TSBP1: variants seen among roughly 807,000 people sequenced by gnomAD.
TSBP1 encodes testis-expressed basic protein 1.
In TSBP1, 56 loss-of-function variants were observed where a neutral mutation model predicts 68.8. That is an observed-to-expected ratio of 0.81 (90% CI 0.66 to 1.02). TSBP1 has a LOEUF of 1.02. TSBP1 is among the 50% of genes least tolerant of loss of function. TSBP1 has a pLI of 0.00. For synonymous variants in TSBP1, 171 were observed against 208.7 expected, an observed-to-expected ratio of 0.82 and a Z score of 1.56; for missense variants, 502 against 641.2, an observed-to-expected ratio of 0.78 and a Z score of 2.34.
intron 18 of TSBP1, among the ~76,000 whole-genome samples, chr6:32,317,919 C>T (rs762520172): frequency 1.7e-4 from 26 of 152,058 alleles, no homozygotes; most frequent in Non-Finnish European, 2.5e-4. Context: ...GACCCCAAAA[C>T]GGAGCTACCA....
In TSBP1 at chr6:32,308,016, C is replaced by T. The variant is rs976880145; in HGVS notation, c.581-5387G>A. Among the ~76,000 whole-genome samples, 5 of 151,976 alleles carry T rather than the reference C, an allele frequency of 3.3e-5. No individual in the cohort carries two copies. In the East Asian group the frequency reaches 9.7e-4, roughly 30 times the overall value. On this transcript the variant is annotated intron_variant, in intron 19 of 22. Coordinates refer to ENST00000612031, the Ensembl canonical transcript of TSBP1. ...TCTCGAACTCCTGACCTCAAGTGAT[C>T]TACCCGCTTTGGCCTCCCAAAGCGC... is the stretch of plus-strand genomic sequence containing the variant.
At chr6:32,355,319 G>A (rs1055006752) in intron 7 of TSBP1, among the ~76,000 whole-genome samples, 175 bp from the exon 8 acceptor site, 2 of 152,126 alleles carry the variant, frequency 1.3e-5, no homozygotes, top group Admixed American at 1.3e-4. Context: ...TACTGCATAT[G>A]CTTTCCATCT....
chr6:32,369,778 C>A, intron 2 of TSBP1, 119 bp downstream of exon 2: 1 of 791,988 alleles, frequency 1.3e-6, no homozygotes, highest in Non-Finnish European at 2.3e-6. Flanking sequence ...AAACAGATTC[C>A]CAGAATATTG....
At chr6:32,366,667 A>G (rs1009521766) in intron 4 of TSBP1, among the ~76,000 whole-genome samples, 4 of 147,538 alleles carry the variant, frequency 2.7e-5, no homozygotes, top group African/African-American at 9.9e-5. Context: ...GAAGGCTGAG[A>G]GAGGAGAATG....
At position 32,341,205 on chromosome 6, in the gene TSBP1, T is replaced by TA. The variant is rs201536401; in HGVS notation, c.350-1568dup. Among the ~76,000 whole-genome samples the TA allele has an allele frequency of 6.7e-3, 1,015 of 152,054 alleles. 17 individuals are homozygous for TA. The highest frequency in any genetic ancestry group is 0.019 in the East Asian group (100 of 5,174). ...TTGCCTTACAGAGTAAAGAAGAAGA[T>TA]AAAAAAAACTTACGATGTACATATC... On this transcript the variant is annotated intron_variant, in intron 9 of 22. Transcript: ENST00000612031.
At chr6:32,312,051 G>A (rs1766460390) in intron 19 of TSBP1, among the ~76,000 whole-genome samples, 1 of 152,128 alleles carries the variant, frequency 6.6e-6, no homozygotes, top group South Asian at 2.1e-4. Flanking sequence ...GCAATGAAGT[G>A]TATTGCTCGA....
intron 9 of TSBP1, among the ~76,000 whole-genome samples, chr6:32,347,476 C>CGAACTGTTTCT (rs1562158694): frequency 1.3e-5 from 2 of 151,942 alleles, no homozygotes; most frequent in South Asian, 4.1e-4. Flanking sequence ...TTGCTGTTTC[C>CGAACTGTTTCT]GAACAGTCTT....
At chr6:32,293,810 A>G (rs1562044971) in exon 23 of TSBP1, 1 of 1,612,662 alleles carries the variant, frequency 6.2e-7, no homozygotes, top group Admixed American at 1.7e-5. Flanking sequence ...CTCCATTCCT[A>G]TTTTGTCTTT....
intron 4 of TSBP1, 32 bp downstream of exon 4, chr6:32,367,893 A>C: frequency 6.5e-7 from 1 of 1,532,682 alleles, no homozygotes; most frequent in Non-Finnish European, 9.0e-7. Context: ...ATATTCCTTC[A>C]TTAACTGTCT....
chr6:32,304,357 TAAAAC>T lies in TSBP1; in HGVS notation c.581-1733_581-1729del, dbSNP rs1035138091. Among the ~76,000 whole-genome samples the T allele has an allele frequency of 2.0e-5, 3 of 149,296 alleles. No homozygotes were observed. Among genetic ancestry groups the T allele is most frequent in the African/African-American group, 7.4e-5 (3 of 40,448 alleles). ...ATTGGACCAATTGCTAAAAATAAAATAAAACAAATCAGTTTTTTTTTAAATTATGT... is the reference window on the plus strand; with the variant it reads ...ATTGGACCAATTGCTAAAAATAAAATAAATCAGTTTTTTTTTAAATTATGT... On this transcript the variant is annotated intron_variant, in intron 19 of 22. Transcript: ENST00000612031. This position sits in a 1 kb window ranked among gnomAD's most constrained non-coding sequence, Gnocchi z 4.8.
At chr6:32,348,169 C>T (rs1289205520) in intron 9 of TSBP1, among the ~76,000 whole-genome samples, 1 of 152,086 alleles carries the variant, frequency 6.6e-6, no homozygotes, top group African/African-American at 2.4e-5. Context: ...AAATGATTTC[C>T]CCTTTGGAGG....
exon 23 of TSBP1, chr6:32,293,901 T>C: frequency 6.2e-7 from 1 of 1,612,960 alleles, no homozygotes; most frequent in Non-Finnish European, 8.5e-7. Context: ...TTCGTAAATA[T>C]GATGTCATTC....
chr6:32,360,786 CTTTATTTATTAG>C (rs1224340027), intron 6 of TSBP1, among the ~76,000 whole-genome samples: 1 of 151,978 alleles, frequency 6.6e-6, no homozygotes, highest in Admixed American at 6.6e-5. Flanking sequence ...TATTGTGCAC[CTTTATTTATTAG>C]TTGGCTGTAA....
At chr6:32,367,763 G>A (rs1773925474) in intron 4 of TSBP1, among the ~76,000 whole-genome samples, 162 bp downstream of exon 4, 1 of 114,514 alleles carries the variant, frequency 8.7e-6, no homozygotes, top group Admixed American at 9.2e-5. Flanking sequence ...TGAGAAAAAT[G>A]CACAATTTTT....
chr6:32,335,467 A>AG lies in TSBP1; in HGVS notation c.452-11_452-10insC, dbSNP rs771872157. 1 of 1,474,700 alleles carries AG rather than the reference A, an allele frequency of 6.8e-7. No homozygotes were observed. Among genetic ancestry groups the AG allele is most frequent in the Admixed American group, 2.4e-5 (1 of 41,710 alleles). The allele number at this position is 1,474,700 out of a possible 1,614,324, so 91.4% of individuals were successfully genotyped here. On this transcript the variant is annotated splice_polypyrimidine_tract_variant and intron_variant, in intron 13 of 22. Transcript: ENST00000612031. This position sits in a 1 kb window ranked among gnomAD's most constrained non-coding sequence, Gnocchi z 5.5. Reference sequence around the variant, plus strand: ...GTTTTTTGAGAGAGCTCTAAAAAAAAAAGAGAAAAGAAATCAGTAGCTATA... The same window carrying AG: ...GTTTTTTGAGAGAGCTCTAAAAAAAAGAAGAGAAAAGAAATCAGTAGCTATA...
exon 18 of TSBP1, chr6:32,323,136 A>G (rs746625260): frequency 2.6e-5 from 41 of 1,576,956 alleles, no homozygotes; most frequent in South Asian, 4.5e-5. Flanking sequence ...CCATGGGTGG[A>G]CCTAAAAACC....
intron 4 of TSBP1, among the ~76,000 whole-genome samples, chr6:32,366,977 C>T (rs7770048): frequency 0.15 from 23,244 of 151,772 alleles, 2,173 homozygotes; most frequent in East Asian, 0.29. Flanking sequence ...AAGTGTGGGG[C>T]ATGGACAGCA....
chr6:32,367,052 C>CGTGT (rs3038518), intron 4 of TSBP1, among the ~76,000 whole-genome samples: 3,945 of 148,430 alleles, frequency 0.027, 113 homozygotes, highest in South Asian at 0.12. Context: ...ATGCTTGTAG[C>CGTGT]GTGTGTGTGT....
intron 16 of TSBP1, among the ~76,000 whole-genome samples, chr6:32,329,936 G>A (rs939708243): frequency 6.6e-6 from 1 of 152,150 alleles, no homozygotes; most frequent in African/African-American, 2.4e-5. Flanking sequence ...CATATGTGAT[G>A]CTTCTGCCAG....
Sources: gnomAD v4.1 joint callset for allele counts (sites outside exome capture counted in the v4.1 genomes callset) on GRCh38, gnomAD v4.1.1 for gene constraint, Gnocchi (gnomAD v3.1) non-coding constraint, MANE v1.5 for transcripts, NCBI Gene and HGNC (gene_info 2026-07-23, HGNC 2026-07-21) for gene names.